CDC14B: variants seen among roughly 807,000 people sequenced by gnomAD.
CDC14B encodes the protein dual specificity protein phosphatase CDC14B.
Under a neutral mutation model 64.2 loss-of-function variants are expected in CDC14B, and 22 were observed. The ratio of observed to expected loss-of-function variants is 0.34; its 90% CI spans 0.24 to 0.49. The LOEUF (loss-of-function observed/expected upper bound fraction) is 0.49, where lower values mean the gene tolerates loss of function less well. Ranked by LOEUF, CDC14B falls within the 20% of genes least tolerant of loss-of-function variation. CDC14B has a pLI of 0.99. For missense variants in CDC14B, 498 were observed against 629.9 expected (o/e 0.79, Z 2.24); for synonymous variants, 191 against 215.8 (o/e 0.89, Z 1.01).
At chr9:96,498,301 A>G (rs191278196), downstream of CDC14B, among the ~76,000 whole-genome samples, 1 of 152,332 alleles carries the variant, frequency 6.6e-6, no homozygotes, top group East Asian at 1.9e-4. Flanking sequence ...CACTAGTCCA[A>G]TTGTACCACT....
chr9:96,523,728 A>G lies in CDC14B; in HGVS notation c.947-3T>C. On this transcript the variant is annotated splice_region_variant and splice_polypyrimidine_tract_variant and intron_variant, in intron 9 of 13. Transcript: ENST00000375241. ...AGTGCCCGTGCGACCAAGGCCAGCTAGGAAAATAAAGAAGCACAGAAATGA... is the reference window on the plus strand; with the variant it reads ...AGTGCCCGTGCGACCAAGGCCAGCTGGGAAAATAAAGAAGCACAGAAATGA... 1.2e-6 allele frequency: 2 copies of G among 1,608,954 alleles called. No homozygotes were observed. Among genetic ancestry groups the G allele is most frequent in the Non-Finnish European group, 1.7e-6 (2 of 1,176,162 alleles).
At chr9:96,553,682 T>C (rs563761780) in intron 4 of CDC14B, among the ~76,000 whole-genome samples, 1 of 152,016 alleles carries the variant, frequency 6.6e-6, no homozygotes, top group South Asian at 2.1e-4. Context: ...CTTCTAAGCA[T>C]CAACCTATAA....
At chr9:96,497,300 GGGCGGGGAGGCAGA>G (rs1038211649), downstream of CDC14B, among the ~76,000 whole-genome samples, 6 of 105,330 alleles carry the variant, frequency 5.7e-5, no homozygotes, top group South Asian at 2.8e-4. Context: ...GGGGAGGCAG[GGGCGGGGAGGCAGA>G]GGCGGGAGGC....
In CDC14B at chr9:96,523,774, A is replaced by G. The variant is rs200549972; in HGVS notation, c.947-49T>C. The G allele has an allele frequency of 1.2e-4, 193 of 1,586,774 alleles. 2 individuals are homozygous for G. The East Asian group carries it at 1.4e-3, about 11-fold the overall frequency. ...AATGAAACTTGGGCTGATGTACTCC[A>G]GGATTTTGTTGGGCAGGCAGAATTT... On this transcript the variant is annotated intron_variant, in intron 9 of 13. Transcript: ENST00000375241.
intron 1 of CDC14B, among the ~76,000 whole-genome samples, chr9:96,570,779 C>T (rs1844419466): frequency 6.6e-6 from 1 of 152,182 alleles, no homozygotes; most frequent in Admixed American, 6.5e-5. Flanking sequence ...GTGAGGTTAG[C>T]ACTACCAGGG....
At chr9:96,497,198 T>C (rs908608778), downstream of CDC14B, among the ~76,000 whole-genome samples, 1 of 152,154 alleles carries the variant, frequency 6.6e-6, no homozygotes, top group Non-Finnish European at 1.5e-5. Context: ...CCTCCTTACC[T>C]GGGGATTTAG....
chr9:96,494,035 A>G (rs1003341535), intron 13 of CDC14B, among the ~76,000 whole-genome samples: 5 of 152,146 alleles, frequency 3.3e-5, no homozygotes, highest in African/African-American at 9.7e-5. Flanking sequence ...CCCTGCACCT[A>G]TGGCAAAGCC....
chr9:96,556,177 A>G (rs1842480896), intron 4 of CDC14B, among the ~76,000 whole-genome samples: 1 of 152,194 alleles, frequency 6.6e-6, no homozygotes. Flanking sequence ...CCTAGAGCTG[A>G]GAGTGACAAA....
At chr9:96,600,488 G>A (rs993701731) in intron 1 of CDC14B, among the ~76,000 whole-genome samples, 1 of 151,570 alleles carries the variant, frequency 6.6e-6, no homozygotes, top group African/African-American at 2.4e-5. Flanking sequence ...TAAGGAGAGA[G>A]TATTCTAAAT....
intron 1 of CDC14B, among the ~76,000 whole-genome samples, chr9:96,578,931 C>T (rs1844970144): frequency 6.6e-6 from 1 of 152,164 alleles, no homozygotes; most frequent in Admixed American, 6.5e-5. Flanking sequence ...GATTCTCCTG[C>T]CTCAGCCTCC....
At chr9:96,564,517 C>T (rs911060977) in intron 3 of CDC14B, among the ~76,000 whole-genome samples, 20 of 152,136 alleles carry the variant, frequency 1.3e-4, no homozygotes, top group African/African-American at 4.1e-4. Flanking sequence ...TTAACTGATT[C>T]CCACTTTGGC....
chr9:96,578,581 A>G (rs1029368907), intron 1 of CDC14B, among the ~76,000 whole-genome samples: 7 of 152,352 alleles, frequency 4.6e-5, no homozygotes, highest in African/African-American at 1.2e-4. Flanking sequence ...AACAAGCACA[A>G]GCAGACATAC....
At chr9:96,521,565 G>C (rs1270775230) in intron 12 of CDC14B, among the ~76,000 whole-genome samples, 1 of 152,180 alleles carries the variant, frequency 6.6e-6, no homozygotes, top group Non-Finnish European at 1.5e-5. Context: ...AACCCATAAT[G>C]ACACATGCCT....
intron 12 of CDC14B, among the ~76,000 whole-genome samples, chr9:96,513,342 A>G (rs1835172652): frequency 6.6e-6 from 1 of 152,206 alleles, no homozygotes; most frequent in Non-Finnish European, 1.5e-5. Flanking sequence ...CATGAGTGAC[A>G]GCACACACCA....
intron 1 of CDC14B, among the ~76,000 whole-genome samples, chr9:96,597,691 A>G (rs965320836): frequency 4.6e-5 from 7 of 152,198 alleles, no homozygotes; most frequent in African/African-American, 1.2e-4. Context: ...ATGTTAAAAG[A>G]TATCTTCCAG....
At chr9:96,555,008 A>AT (rs1436604525) in intron 4 of CDC14B, among the ~76,000 whole-genome samples, 4 of 152,196 alleles carry the variant, frequency 2.6e-5, no homozygotes, top group African/African-American at 9.7e-5. Flanking sequence ...GAGAAGCTAT[A>AT]TATATAGAAT....
rs138945059 is a variant in CDC14B, at chr9:96,542,799, A to G, written c.498-907T>C. On this transcript the variant is annotated intron_variant, in intron 5 of 13. Transcript: ENST00000375241. ...GCCGAGGCAGGTGGATCACGAGGTC[A>G]GGAGTTCAAGACCAGCCTGGCTAAG... is the stretch of plus-strand genomic sequence containing the variant. Among the ~76,000 whole-genome samples, 1,096 of 152,138 alleles carry G rather than the reference A, an allele frequency of 7.2e-3. 4 individuals carry two copies. The highest frequency in any genetic ancestry group is 0.01 in the Non-Finnish European group (713 of 67,984).
chr9:96,588,175 G>A (rs371041343), intron 1 of CDC14B, among the ~76,000 whole-genome samples: 65 of 152,236 alleles, frequency 4.3e-4, no homozygotes, highest in African/African-American at 1.5e-3. Context: ...GTGTGGAAAC[G>A]CAGGAGAGGG....
chr9:96,558,578 C>T (rs988503637), intron 4 of CDC14B, among the ~76,000 whole-genome samples: 4 of 152,076 alleles, frequency 2.6e-5, no homozygotes, highest in Non-Finnish European at 5.9e-5. Context: ...CTCAAGAGTG[C>T]AAATATGGAT....
Sources: gnomAD v4.1 joint callset for allele counts (sites outside exome capture counted in the v4.1 genomes callset) on GRCh38, gnomAD v4.1.1 for gene constraint, MANE v1.5 for transcripts, NCBI Gene and HGNC (gene_info 2026-07-23, HGNC 2026-07-21) for gene names.